The following PRDM16 variants were observed in gnomAD, a reference collection of about 807,000 sequenced individuals.
PRDM16 encodes PR/SET domain 16.
In PRDM16, 23 loss-of-function variants were observed where a neutral mutation model predicts 110.6. The ratio of observed to expected loss-of-function variants is 0.21; its 90% CI spans 0.15 to 0.29. The LOEUF is 0.29. PRDM16 is among the 10% of genes least tolerant of loss of function. PRDM16 has a pLI of 1.00. For missense variants in PRDM16, 1,615 were observed against 1,794.3 expected (o/e 0.90, Z 1.81); for synonymous variants, 799 against 781.8 (o/e 1.02, Z -0.37).
At chr1:3,185,729 C>T (rs753484178) in intron 1 of PRDM16, among the ~76,000 whole-genome samples, 11 of 152,234 alleles carry the variant, frequency 7.2e-5, no homozygotes, top group South Asian at 6.2e-4. Context: ...TCAGCCGCCA[C>T]GCGTGACGGC....
intron 1 of PRDM16, among the ~76,000 whole-genome samples, chr1:3,154,639 G>A (rs1036612533): frequency 7.2e-5 from 11 of 152,122 alleles, no homozygotes; most frequent in African/African-American, 2.2e-4. Flanking sequence ...CACCATTCCA[G>A]CTTCACGCAG....
chr1:3,218,917 C>T (rs533852864), intron 2 of PRDM16, among the ~76,000 whole-genome samples: 2 of 152,362 alleles, frequency 1.3e-5, no homozygotes, highest in African/African-American at 4.8e-5. Flanking sequence ...TTTCTCACAG[C>T]TCACCCTAGA....
chr1:3,335,933 C>G (rs1642137229), intron 3 of PRDM16, among the ~76,000 whole-genome samples: 1 of 152,238 alleles, frequency 6.6e-6, no homozygotes, highest in Non-Finnish European at 1.5e-5. Context: ...CTCGCTCTCT[C>G]TGGTCCTCAG....
chr1:3,194,620 A>ACCACACGCCACCGTCTCCCCG (rs1371218989), intron 2 of PRDM16, among the ~76,000 whole-genome samples: 43 of 118,052 alleles, frequency 3.6e-4, no homozygotes, highest in South Asian at 8.5e-4. Flanking sequence ...CCGTCTCCCC[A>ACCACACGCCACCGTCTCCCCG]CCACACGCCA....
intron 1 of PRDM16, among the ~76,000 whole-genome samples, chr1:3,096,366 G>A (rs1049720201): frequency 2.6e-5 from 4 of 152,200 alleles, no homozygotes; most frequent in Admixed American, 6.5e-5. Context: ...CCCCCAGGAG[G>A]CTCTGTGCAC....
chr1:3,412,295 G>A lies in PRDM16; in HGVS notation c.2098G>A (p.Ala700Thr), dbSNP rs777339607. Reference protein sequence around the residue: ...GDSIKAIASIAEKYFGPGFMG... With the variant: ...GDSIKAIASITEKYFGPGFMG... ...CTCCATCAAGGCCATCGCATCCATT[G>A]CCGAGAAGTACTTTGGCCCCGGCTT... Residue 700 changes from alanine to threonine, a missense_variant, in exon 9 of 17, where the codon GCC (alanine) becomes ACC (threonine). This residue lies in a region of PRDM16 where 772 missense variants were observed against 748.3 expected (regional missense o/e 1.03). Coordinates refer to ENST00000270722, the MANE Select transcript of PRDM16 (RefSeq NM_022114.4). 6.2e-7 allele frequency: 1 copy of A among 1,613,660 alleles called. No individual in the cohort carries two copies. The highest frequency in any genetic ancestry group is 2.2e-5 in the East Asian group (1 of 44,864).
At chr1:3,395,217 C>G (rs974628863) in intron 4 of PRDM16, among the ~76,000 whole-genome samples, 1 of 152,130 alleles carries the variant, frequency 6.6e-6, no homozygotes, top group African/African-American at 2.4e-5. Flanking sequence ...GGGCCACACC[C>G]AGCCCTGTCT....
At chr1:3,159,955 G>T (rs1643885350) in intron 1 of PRDM16, among the ~76,000 whole-genome samples, 1 of 152,210 alleles carries the variant, frequency 6.6e-6, no homozygotes, top group Non-Finnish European at 1.5e-5. Flanking sequence ...TATTTCACGG[G>T]ACATACTTAC....
chr1:3,403,066 G>C (rs1031439063), intron 6 of PRDM16, 68 bp downstream of exon 6: 1 of 699,076 alleles, frequency 1.4e-6, no homozygotes, highest in South Asian at 4.6e-5. Context: ...TCCCCTTCCC[G>C]TGCCCTCCTC....
intron 3 of PRDM16, among the ~76,000 whole-genome samples, chr1:3,306,097 T>A (rs1641306999): frequency 6.6e-6 from 1 of 152,336 alleles, no homozygotes; most frequent in South Asian, 2.1e-4. Flanking sequence ...TTCAGCTCTC[T>A]GATCTCTGCA....
chr1:3,261,731 A>G (rs1640168535), intron 3 of PRDM16, among the ~76,000 whole-genome samples: 1 of 152,122 alleles, frequency 6.6e-6, no homozygotes, highest in African/African-American at 2.4e-5. Context: ...CTCCTGTGTC[A>G]GGGCAGCCTG....
intron 1 of PRDM16, among the ~76,000 whole-genome samples, chr1:3,071,396 C>T (rs1007859942): frequency 2.6e-5 from 4 of 152,218 alleles, no homozygotes; most frequent in Admixed American, 2.0e-4. Context: ...CTTCCTTTTC[C>T]CGAGAGTCTT....
At chr1:3,128,306 C>A (rs189064787) in intron 1 of PRDM16, among the ~76,000 whole-genome samples, 4 of 152,174 alleles carry the variant, frequency 2.6e-5, no homozygotes, top group Admixed American at 1.3e-4. Flanking sequence ...GTGCCTTGTC[C>A]TAGAAAGTCT....
chr1:3,311,189 C>T (rs1189313587), intron 3 of PRDM16, among the ~76,000 whole-genome samples: 1 of 152,202 alleles, frequency 6.6e-6, no homozygotes, highest in East Asian at 1.9e-4. Context: ...CCGTCGCTTC[C>T]CACTAATAGA....
chr1:3,084,744 G>A (rs1053606971), intron 1 of PRDM16, among the ~76,000 whole-genome samples: 1 of 152,206 alleles, frequency 6.6e-6, no homozygotes, highest in Non-Finnish European at 1.5e-5. Context: ...CGTCCAGAGA[G>A]GCCCAGGCAG....
chr1:3,215,596 A>G (rs989747020), intron 2 of PRDM16, among the ~76,000 whole-genome samples: 2 of 152,026 alleles, frequency 1.3e-5, no homozygotes, highest in Non-Finnish European at 2.9e-5. Flanking sequence ...CCAACCCAGA[A>G]CCCCACAGGG....
intron 3 of PRDM16, among the ~76,000 whole-genome samples, chr1:3,257,676 ATT>A (rs1387027011): frequency 2.0e-5 from 3 of 152,138 alleles, no homozygotes; most frequent in Admixed American, 2.0e-4. Context: ...TCCCTCATTT[ATT>A]CATTCACTCA....
At chr1:3,212,980 T>C (rs1438848904) in intron 2 of PRDM16, among the ~76,000 whole-genome samples, 1 of 152,222 alleles carries the variant, frequency 6.6e-6, no homozygotes, top group Non-Finnish European at 1.5e-5. Context: ...GCAGCAGAGC[T>C]GGACACAGGG....
intron 1 of PRDM16, among the ~76,000 whole-genome samples, chr1:3,113,829 T>TG (rs1642851746): frequency 6.6e-6 from 1 of 152,234 alleles, no homozygotes; most frequent in Non-Finnish European, 1.5e-5. Context: ...GGTGCCCCTG[T>TG]GTCTGCCTCC....
Sources: allele counts gnomAD v4.1 joint callset (sites outside exome capture counted in the v4.1 genomes callset), GRCh38; gene constraint gnomAD v4.1.1; regional missense constraint gnomAD v4.1.1; transcripts MANE v1.5; gene names NCBI Gene and HGNC (gene_info 2026-07-23, HGNC 2026-07-21).